FOXO3B: variants seen among roughly 807,000 people sequenced by gnomAD.
The protein encoded by FOXO3B is forkhead box O3B, also known as forkhead box protein O3B.
FOXO3B carries 15 observed loss-of-function variants against 21.9 expected under a neutral mutation model. The observed-to-expected ratio is 0.68, with a 90% CI of 0.46 to 1.05. The LOEUF (loss-of-function observed/expected upper bound fraction) is 1.05. Ranked by LOEUF, FOXO3B falls within the 50% of genes least tolerant of loss-of-function variation. The probability of loss-of-function intolerance (pLI) is 0.00; values close to 1 mark genes in which losing one functional copy is unlikely to be tolerated. For missense variants in FOXO3B, 293 were observed against 435.5 expected (o/e 0.67, Z 2.91); for synonymous variants, 135 against 213.6 (o/e 0.63, Z 3.21).
chr17:18,674,903 TA>T (rs1164624976), intron 3 of FOXO3B, among the ~76,000 whole-genome samples: 10 of 152,184 alleles, frequency 6.6e-5, no homozygotes. Context: ...GCCATTTACA[TA>T]AAAAGCTTGC....
chr17:18,678,606 A>T (rs1464771539), intron 3 of FOXO3B, among the ~76,000 whole-genome samples: 1 of 152,164 alleles, frequency 6.6e-6, no homozygotes, highest in Non-Finnish European at 1.5e-5. Context: ...ATTGCATTTT[A>T]AAAATCTAAT....
At chr17:18,680,275 G>A (rs4924763) in intron 3 of FOXO3B, among the ~76,000 whole-genome samples, 26,107 of 152,148 alleles carry the variant, frequency 0.17, 2,676 homozygotes, top group African/African-American at 0.28. Flanking sequence ...TTTAAATTAC[G>A]CCTTCATAGG....
In FOXO3B at chr17:18,674,642, G is replaced by A. The variant is rs368674288; in HGVS notation, c.127-1587C>T. ...CTCCATCTCAAAAAAAAAAAAAAGGGGGGGGGGAGATTACAGACAAATGCA... is the reference window on the plus strand; with the variant it reads ...CTCCATCTCAAAAAAAAAAAAAAGGAGGGGGGGAGATTACAGACAAATGCA... On this transcript the variant is annotated intron_variant, in intron 3 of 3. Transcript: ENST00000395675. 1.1e-4 allele frequency among the ~76,000 whole-genome samples: 16 copies of A among 146,326 alleles called. No homozygotes were observed. In the East Asian group the frequency reaches 2.8e-3, roughly 25 times the overall value.
Position 18,682,300 on chromosome 17 carries a change from T to C in FOXO3B, c.-292A>G, listed in dbSNP as rs2240598. 151,198 of 417,652 alleles carry C rather than the reference T, an allele frequency of 0.36. 48,354 individuals carry two copies. The highest frequency in any genetic ancestry group is 0.55 in the African/African-American group (26,328 of 47,726). The allele number at this position is 417,652 out of a possible 1,614,324, so 25.9% of individuals were successfully genotyped here. A position where few individuals can be genotyped will look rare whatever the true frequency, so the allele number is the denominator to read the frequency against. On this transcript the variant is annotated 5_prime_UTR_variant, in exon 1 of 4. Coordinates refer to ENST00000395675, the MANE Select transcript of FOXO3B (RefSeq NM_001368135.1). ...GCGGAGCCAGGCGTGCTGCTCTCAT[T>C]CCGCCCGGAACTACAATTCCCAGAA...
Position 18,677,581 on chromosome 17 carries a change from G to A in FOXO3B, c.126+3160C>T, listed in dbSNP as rs2032514576. On this transcript the variant is annotated intron_variant, in intron 3 of 3. Transcript: ENST00000395675. Reference sequence around the variant, plus strand: ...GGGGGCGCCGGCGGGCCCAGCGGCAGGGCCAAAGCCGGGCGGGCCCTGGCC... The same window carrying A: ...GGGGGCGCCGGCGGGCCCAGCGGCAAGGCCAAAGCCGGGCGGGCCCTGGCC... 1.9e-6 allele frequency: 3 copies of A among 1,603,504 alleles called. No homozygotes were observed. In the South Asian group the frequency reaches 3.3e-5, roughly 18 times the overall value.
intron 3 of FOXO3B, among the ~76,000 whole-genome samples, chr17:18,674,220 T>C (rs1392028168): frequency 6.6e-6 from 1 of 151,970 alleles, no homozygotes; most frequent in Admixed American, 6.6e-5. Flanking sequence ...AATGAAGTAG[T>C]AAGTAGAGGC....
chr17:18,677,284 T>C lies in FOXO3B; in HGVS notation c.126+3457A>G, dbSNP rs541691756. On this transcript the variant is annotated intron_variant, in intron 3 of 3. Coordinates refer to ENST00000395675, the MANE Select transcript of FOXO3B (RefSeq NM_001368135.1). ...CAAGGTCTGTTCCGCATGAAACTCC[T>C]GCTGGGGAAGGACTTCCCTGCCTCC... 115 of 1,613,424 alleles carry C rather than the reference T, an allele frequency of 7.1e-5. No homozygotes were observed. The East Asian group carries it at 2.5e-3, about 36-fold the overall frequency.
rs1597494724 is a variant in FOXO3B, at chr17:18,672,093, G to A, written c.*216C>T. The A allele has an allele frequency of 6.2e-7, 1 of 1,610,018 alleles. No homozygotes were observed. The highest frequency in any genetic ancestry group is 8.5e-7 in the Non-Finnish European group (1 of 1,177,928). ...GGGAGGGACTGTCGTCAGCTGATTC[G>A]GGGGCTGTCTGCAGGGCTGCCTTCT... On this transcript the variant is annotated 3_prime_UTR_variant, in exon 4 of 4. Transcript: ENST00000395675. This position sits in a 1 kb window ranked among gnomAD's most constrained non-coding sequence, Gnocchi z 4.2.
intron 3 of FOXO3B, chr17:18,677,281 T>C (rs2032505782): frequency 6.2e-7 from 1 of 1,613,254 alleles, no homozygotes. Flanking sequence ...CGCATGAAAC[T>C]CCTGCTGGGG....
rs955071177 is a variant in FOXO3B at position 18,670,139 on chromosome 17, C to T, written c.*2170G>A. ...GCACCCGTAGACCTGGTGCTGGGGT[C>T]CCGTCCACAGATCACCCTGACTCAG... On this transcript the variant is annotated 3_prime_UTR_variant, in exon 4 of 4. Coordinates refer to ENST00000395675, the MANE Select transcript of FOXO3B (RefSeq NM_001368135.1). Among the ~76,000 whole-genome samples the T allele has an allele frequency of 9.2e-5, 14 of 152,162 alleles. No individual in the cohort carries two copies. The highest frequency in any genetic ancestry group is 5.2e-4 in the Admixed American group (8 of 15,284).
rs1456269706 is a variant in FOXO3B at position 18,682,212 on chromosome 17, C to T, written c.-204G>A. 5.8e-6 allele frequency: 4 copies of T among 683,974 alleles called. No homozygotes were observed. In the African/African-American group the frequency reaches 7.1e-5, roughly 12 times the overall value. 42.4% of individuals were successfully genotyped at this position (683,974 alleles called of 1,614,324 possible). On this transcript the variant is annotated 5_prime_UTR_variant, in exon 1 of 4. Transcript: ENST00000395675. ...CACCACAAGCAACTCACCTCCCATCCCGGGCCTCACAAAGGGGACGAACTT... is the reference window on the plus strand; with the variant it reads ...CACCACAAGCAACTCACCTCCCATCTCGGGCCTCACAAAGGGGACGAACTT...
rs2032349590 is a variant in FOXO3B at position 18,670,790 on chromosome 17, G to A, written c.*1519C>T. ...GTGGGATTCACAAAGGTGTTAAGCT[G>A]TAAACGGTATCACTGTCCACTTGCT... is the stretch of plus-strand genomic sequence containing the variant. On this transcript the variant is annotated 3_prime_UTR_variant, in exon 4 of 4. Coordinates refer to ENST00000395675, the MANE Select transcript of FOXO3B (RefSeq NM_001368135.1). 6.6e-6 allele frequency among the ~76,000 whole-genome samples: 1 copy of A among 152,194 alleles called. No individual in the cohort carries two copies. The highest frequency in any genetic ancestry group is 1.5e-5 in the Non-Finnish European group (1 of 68,034).
In FOXO3B at chr17:18,671,517, AG is replaced by A; in HGVS notation, c.*791del. 1 of 1,596,074 alleles carries A rather than the reference AG, an allele frequency of 6.3e-7. No homozygotes were observed. The highest frequency in any genetic ancestry group is 8.6e-7 in the Non-Finnish European group (1 of 1,165,200). On this transcript the variant is annotated 3_prime_UTR_variant, in exon 4 of 4. Transcript: ENST00000395675. Reference sequence around the variant, plus strand: ...TGAGTCCGAAGTGAGCAGGTCCTGGAGTGTCTGGTTACCATAGTGTGACATG... The same window carrying A: ...TGAGTCCGAAGTGAGCAGGTCCTGGATGTCTGGTTACCATAGTGTGACATG...
At chr17:18,677,911 CAAAAAAAAA>C (rs57669387) in intron 3 of FOXO3B, among the ~76,000 whole-genome samples, 3 of 92,702 alleles carry the variant, frequency 3.2e-5, no homozygotes, top group African/African-American at 8.2e-5. Context: ...GTTGGAAAAG[CAAAAAAAAA>C]AAAAAAAAAA....
chr17:18,677,547 G>A, intron 3 of FOXO3B: 3 of 1,609,186 alleles, frequency 1.9e-6, no homozygotes, highest in South Asian at 1.1e-5. Context: ...TCTGCTCACA[G>A]AGATCCACGG....
chr17:18,673,065 C>G lies in FOXO3B; in HGVS notation c.127-10G>C, dbSNP rs1476745626. ...CCGCCGCCGCCGCCGCCTGGGGAAG[C>G]ACGAGAGAAGAGAGAAGGAGAGTTG... On this transcript the variant is annotated splice_polypyrimidine_tract_variant and intron_variant, in intron 3 of 3. Coordinates refer to ENST00000395675, the MANE Select transcript of FOXO3B (RefSeq NM_001368135.1). 1.4e-6 allele frequency: 2 copies of G among 1,463,826 alleles called. No individual in the cohort carries two copies. Among genetic ancestry groups the G allele is most frequent in the African/African-American group, 3.0e-5 (2 of 66,542 alleles). The allele number at this position is 1,463,826 out of a possible 1,614,324, so 90.7% of individuals were successfully genotyped here.
In FOXO3B at chr17:18,672,994, G is replaced by A. The variant is rs1427043792; in HGVS notation, c.188C>T (p.Pro63Leu). Residue 63 changes from proline to leucine, a missense_variant, in exon 4 of 4, where the codon CCG (proline) becomes CTG (leucine). By Grantham distance (98) the Pro-to-Leu change is moderately conservative. This residue lies in a region of FOXO3B where 251 missense variants were observed against 404.0 expected (regional missense o/e 0.62). Coordinates refer to ENST00000395675, the MANE Select transcript of FOXO3B (RefSeq NM_001368135.1). The surrounding 1 kb of genome is among the most constrained non-coding windows in gnomAD (Gnocchi z 4.2). ...RSLRGVHVPP[P>L]LHPAPAREES... ...CTCTCGCGCCGGGGCGGGGTGCAGC[G>A]GGGGAGGGACGTGGACGCCGCGAAG... 1.4e-6 allele frequency: 2 copies of A among 1,473,326 alleles called. No homozygotes were observed. The highest frequency in any genetic ancestry group is 1.8e-6 in the Non-Finnish European group (2 of 1,119,088). The allele number at this position is 1,473,326 out of a possible 1,614,324, so 91.3% of individuals were successfully genotyped here.
At position 18,672,838 on chromosome 17, in the gene FOXO3B, G is replaced by T; in HGVS notation, c.344C>A (p.Ser115Tyr). 1 of 1,560,274 alleles carries T rather than the reference G, an allele frequency of 6.4e-7. No homozygotes were observed. The highest frequency in any genetic ancestry group is 2.4e-5 in the East Asian group (1 of 41,956). The change falls in exon 4 of 4, where the codon TCC becomes TAC. Residue 115 changes from serine to tyrosine, a missense_variant. By Grantham distance (144) the Ser-to-Tyr change is moderately radical. Transcript: ENST00000395675. This position sits in a 1 kb window ranked among gnomAD's most constrained non-coding sequence, Gnocchi z 4.2. The part of the protein sequence containing the change: ...PEFEPQSRPR[S>Y]CTWPLQRPEL... ...CGGCCTTTGCAGGGGCCACGTACAG[G>T]ATCGCGGACGGCTCTGGGGCTCGAA...
Position 18,671,343 on chromosome 17 carries a change from A to G in FOXO3B, c.*966T>C, listed in dbSNP as rs2032359439. ...GTGGTGGAGCAAGTTCTGATTGACC[A>G]CACTTCCCTGGTTAGGCTGGGCAGC... On this transcript the variant is annotated 3_prime_UTR_variant, in exon 4 of 4. Transcript: ENST00000395675. 4 of 1,613,780 alleles carry G rather than the reference A, an allele frequency of 2.5e-6. No homozygotes were observed. The highest frequency in any genetic ancestry group is 2.2e-5 in the South Asian group (2 of 91,040).
Sources: allele counts gnomAD v4.1 joint callset (sites outside exome capture counted in the v4.1 genomes callset), GRCh38; gene constraint gnomAD v4.1.1; regional missense constraint gnomAD v4.1.1; non-coding constraint Gnocchi (gnomAD v3.1); transcripts MANE v1.5; gene names NCBI Gene and HGNC (gene_info 2026-07-23, HGNC 2026-07-21).